ESYT2: variants seen among roughly 807,000 people sequenced by gnomAD.
ESYT2 encodes the protein extended synaptotagmin 2.
Under a neutral mutation model 107.2 loss-of-function variants are expected in ESYT2, and 54 were observed. That is an observed-to-expected ratio of 0.50 (90% CI 0.40 to 0.63). ESYT2 has a LOEUF of 0.63. Among genes scored for constraint, ESYT2 ranks in the 30% least tolerant of loss-of-function variants. The probability of loss-of-function intolerance (pLI) is 0.00; values close to 1 mark genes in which losing one functional copy is unlikely to be tolerated. For synonymous variants in ESYT2, 491 were observed against 434.1 expected, an observed-to-expected ratio of 1.13 and a Z score of -1.63; for missense variants, 1,020 against 1,094.5, an observed-to-expected ratio of 0.93 and a Z score of 0.96.
At chr7:158,788,565 A>G in intron 4 of ESYT2, 148 bp from the exon 5 acceptor site, 1 of 668,354 alleles carries the variant, frequency 1.5e-6, no homozygotes, top group Non-Finnish European at 2.5e-6. Flanking sequence ...TGGCCCATCA[A>G]ATTATAGTAT....
intron 1 of ESYT2, 147 bp from the exon 2 acceptor site, chr7:158,799,219 T>A: frequency 1.4e-6 from 1 of 701,686 alleles, no homozygotes. Context: ...GGGAAACTGG[T>A]CTCCAAGGAG....
At chr7:158,760,369 C>G (rs1837918382) in intron 11 of ESYT2, among the ~76,000 whole-genome samples, 1 of 152,246 alleles carries the variant, frequency 6.6e-6, no homozygotes, top group South Asian at 2.1e-4. Flanking sequence ...AGCGACCATT[C>G]TAAGTGCTTT....
At chr7:158,810,794 G>C (rs1456324197) in intron 1 of ESYT2, among the ~76,000 whole-genome samples, 1 of 152,164 alleles carries the variant, frequency 6.6e-6, no homozygotes, top group East Asian at 1.9e-4. Flanking sequence ...TGGGTGGCTA[G>C]GGTAGGCGTG....
chr7:158,824,263 A>C (rs1382338930), intron 1 of ESYT2, among the ~76,000 whole-genome samples: 2 of 152,182 alleles, frequency 1.3e-5, no homozygotes, highest in Non-Finnish European at 2.9e-5. Context: ...GAGGACTCCA[A>C]CACTTCCTCA....
intron 2 of ESYT2, 81 bp from the exon 3 acceptor site, chr7:158,798,157 A>G (rs1009600876): frequency 6.9e-7 from 1 of 1,452,396 alleles, no homozygotes; most frequent in African/African-American, 1.4e-5. Context: ...AAACCCTCGC[A>G]ACAGACCAAA....
At chr7:158,769,876 C>T (rs1409930474) in intron 7 of ESYT2, among the ~76,000 whole-genome samples, 1 of 151,934 alleles carries the variant, frequency 6.6e-6, no homozygotes, top group East Asian at 1.9e-4. Flanking sequence ...AAGCTTGGGA[C>T]AAGATTTCAT....
chr7:158,736,136 G>A (rs996370769), intron 20 of ESYT2, among the ~76,000 whole-genome samples: 15 of 151,712 alleles, frequency 9.9e-5, no homozygotes, highest in African/African-American at 1.5e-4. Flanking sequence ...TCCGGGCTGC[G>A]GGTGCCTGCC....
intron 3 of ESYT2, among the ~76,000 whole-genome samples, chr7:158,797,028 A>G (rs1839483546): frequency 1.2e-4 from 1 of 8,618 alleles, no homozygotes; most frequent in African/African-American, 2.6e-4. Flanking sequence ...ACTGCAGGCG[A>G]GAGGGCAGCA....
At chr7:158,748,506 T>G (rs1837479106) in intron 15 of ESYT2, among the ~76,000 whole-genome samples, 3 of 152,132 alleles carry the variant, frequency 2.0e-5, no homozygotes, top group Non-Finnish European at 4.4e-5. Context: ...GTCTAAAGCC[T>G]TTAGAGTTTG....
intron 14 of ESYT2, among the ~76,000 whole-genome samples, chr7:158,750,778 T>G (rs890118365): frequency 6.6e-6 from 1 of 152,232 alleles, no homozygotes; most frequent in African/African-American, 2.4e-5. Flanking sequence ...GCACAAGTCC[T>G]CTGTAAATAC....
Position 158,793,675 on chromosome 7 carries a change from G to T in ESYT2, c.559C>A (p.Gln187Lys). ...CTAATCTGAAGGTCCAAAATAATTT[G>T]CCTTTTGTCTACATTTTCAGTGTAT... ...KVYTENVDKR[Q>K]IILDLQISFV... Residue 187 changes from glutamine to lysine, a missense_variant, in exon 4 of 23, where the codon CAA becomes AAA. Transcript: ENST00000275418. 1 of 1,612,850 alleles carries T rather than the reference G, an allele frequency of 6.2e-7. No individual in the cohort carries two copies. Among genetic ancestry groups the T allele is most frequent in the South Asian group, 1.1e-5 (1 of 91,014 alleles).
Position 158,734,229 on chromosome 7 carries a change from G to A in ESYT2, c.2579C>T (p.Thr860Met), listed in dbSNP as rs757176082. ...CGGCTATGTCATCGCCTGAGGCCTC[G>A]TCCCATCTTCCGTGAGGTCATACCT... Reference protein sequence around the residue: ...TQWYDLTEDGTRPQAMT With the variant: ...TQWYDLTEDGMRPQAMT Residue 860 changes from threonine (T) to methionine (M), a missense_variant, in exon 23 of 23, where the codon ACG becomes ATG. Coordinates refer to ENST00000275418, the MANE Select transcript of ESYT2 (RefSeq NM_001367773.1). 5.0e-6 allele frequency: 8 copies of A among 1,613,922 alleles called. No homozygotes were observed. In the Admixed American group the frequency reaches 5.0e-5, roughly 10 times the overall value.
intron 7 of ESYT2, among the ~76,000 whole-genome samples, chr7:158,769,055 AATT>A (rs993616505): frequency 1.1e-4 from 16 of 151,754 alleles, no homozygotes; most frequent in African/African-American, 3.6e-4. Context: ...TAGATGCTAA[AATT>A]ATTAACATAC....
chr7:158,763,507 C>A (rs1424552897), intron 9 of ESYT2, among the ~76,000 whole-genome samples: 1 of 152,124 alleles, frequency 6.6e-6, no homozygotes, highest in Non-Finnish European at 1.5e-5. Flanking sequence ...GTTGGCCAGG[C>A]TGGTCTCAAA....
At chr7:158,818,546 A>C (rs1446941493) in intron 1 of ESYT2, among the ~76,000 whole-genome samples, 3 of 152,156 alleles carry the variant, frequency 2.0e-5, no homozygotes, top group Non-Finnish European at 4.4e-5. Context: ...GGAGGTGGCA[A>C]AGGCCACACC....
chr7:158,793,532 C>A, intron 4 of ESYT2, 118 bp downstream of exon 4: 1 of 734,834 alleles, frequency 1.4e-6, no homozygotes, highest in South Asian at 1.7e-5. Flanking sequence ...AGAATTTAGT[C>A]GAATTCCAAT....
Position 158,733,763 on chromosome 7 carries a change from CGAATT to C in ESYT2, c.*439_*443del, listed in dbSNP as rs1236444651. ...AAGATGAAAATGATTATTTGTCACACGAATTTAATAAGTTTTAGAAGAAAATATAT... is the reference window on the plus strand; with the variant it reads ...AAGATGAAAATGATTATTTGTCACACTAATAAGTTTTAGAAGAAAATATAT... On this transcript the variant is annotated 3_prime_UTR_variant, in exon 23 of 23. Transcript: ENST00000275418. The C allele has an allele frequency of 6.5e-6, 1 of 152,760 alleles. No individual in the cohort carries two copies. Among genetic ancestry groups the C allele is most frequent in the African/African-American group, 2.4e-5 (1 of 41,416 alleles). The allele number at this position is 152,760 out of a possible 1,614,324, so 9.5% of individuals were successfully genotyped here.
At chr7:158,740,899 C>T (rs1180946430) in intron 18 of ESYT2, among the ~76,000 whole-genome samples, 6 of 152,132 alleles carry the variant, frequency 3.9e-5, no homozygotes, top group Admixed American at 3.3e-4. Flanking sequence ...TCTTATAACA[C>T]CACACAGGGA....
At chr7:158,770,200 T>C (rs1838307363) in intron 7 of ESYT2, among the ~76,000 whole-genome samples, 1 of 152,206 alleles carries the variant, frequency 6.6e-6, no homozygotes, top group South Asian at 2.1e-4. Context: ...CTCATAGTTA[T>C]TTAATATTCA....
Sources: allele counts gnomAD v4.1 joint callset (sites outside exome capture counted in the v4.1 genomes callset), GRCh38; gene constraint gnomAD v4.1.1; transcripts MANE v1.5; gene names NCBI Gene and HGNC (gene_info 2026-07-23, HGNC 2026-07-21).